PTPRM: variants seen among roughly 807,000 people sequenced by gnomAD.
The protein encoded by PTPRM is protein tyrosine phosphatase receptor type M.
In PTPRM, 47 loss-of-function variants were observed where a neutral mutation model predicts 186.7. That is an observed-to-expected ratio of 0.25 (90% CI 0.20 to 0.32). The LOEUF (loss-of-function observed/expected upper bound fraction) is 0.32. Ranked by LOEUF, PTPRM falls within the 10% of genes least tolerant of loss-of-function variation. The pLI is 1.00. For missense variants in PTPRM, 1,494 were observed against 1,865.0 expected (o/e 0.80, Z 3.66); for synonymous variants, 668 against 674.9 (o/e 0.99, Z 0.16).
At chr18:7,807,950 G>A (rs16952550) in intron 2 of PTPRM, among the ~76,000 whole-genome samples, 2 of 151,886 alleles carry the variant, frequency 1.3e-5, no homozygotes, top group Admixed American at 6.6e-5. Flanking sequence ...TTTACTCCTC[G>A]GATTCGTGGC....
At chr18:7,937,580 C>G (rs374555570) in intron 5 of PTPRM, among the ~76,000 whole-genome samples, 1 of 152,228 alleles carries the variant, frequency 6.6e-6, no homozygotes, top group Non-Finnish European at 1.5e-5. Context: ...CCGCTGGGCC[C>G]GAGCAAAACT....
At chr18:8,076,928 T>A (rs569005667) in intron 9 of PTPRM, among the ~76,000 whole-genome samples, 1 of 152,196 alleles carries the variant, frequency 6.6e-6, no homozygotes, top group Non-Finnish European at 1.5e-5. Context: ...ATTTTACTAC[T>A]GAATTATAGA....
intron 1 of PTPRM, among the ~76,000 whole-genome samples, chr18:7,676,847 T>C (rs1050870360): frequency 2.6e-5 from 4 of 152,350 alleles, no homozygotes; most frequent in Admixed American, 2.0e-4. Flanking sequence ...TCTGTGAATA[T>C]GAAAATATTT....
rs773595656 is a variant in PTPRM, at chr18:8,088,757, A to G, written c.1762A>G (p.Met588Val). 3.7e-6 allele frequency: 6 copies of G among 1,611,250 alleles called. No homozygotes were observed. The highest frequency in any genetic ancestry group is 3.3e-5 in the South Asian group (3 of 91,020). ...QFTTKISAPS[M>V]PAYELETPLN... ...TACGCCTTTTTCCCCAGCACCCTCTATGCCAGCTTATGAACTTGAGACACC... is the reference window on the plus strand; with the variant it reads ...TACGCCTTTTTCCCCAGCACCCTCTGTGCCAGCTTATGAACTTGAGACACC... The change falls in exon 11 of 33, where the codon ATG (methionine) becomes GTG (valine). Residue 588 changes from methionine to valine, a missense_variant. Physicochemically the swap from Met to Val is conservative, Grantham distance 21. Transcript: ENST00000580170.
rs35328733 is a variant in PTPRM at position 7,735,843 on chromosome 18, A to AT, written c.74-38292dup. ...AACTTCCCTTATCTTAAAGTCAAGC[A>AT]TTTTTTTTTTTTTTCCTGTTGACTT... On this transcript the variant is annotated intron_variant, in intron 1 of 32. Transcript: ENST00000580170. 2.5e-3 allele frequency among the ~76,000 whole-genome samples: 351 copies of AT among 141,416 alleles called. 1 individual carries two copies. Among genetic ancestry groups the AT allele is most frequent in the Middle Eastern group, 7.6e-3 (2 of 264 alleles). The allele number at this position is 141,416 out of a possible 152,430, so 92.8% of individuals were successfully genotyped here.
intron 2 of PTPRM, among the ~76,000 whole-genome samples, chr18:7,797,984 G>A (rs1331012403): frequency 6.6e-6 from 1 of 152,114 alleles, no homozygotes; most frequent in Non-Finnish European, 1.5e-5. Flanking sequence ...TTGAAGCAGG[G>A]GAGGACTCTT....
chr18:8,253,528 CAGAA>C (rs2147398962), intron 19 of PTPRM, 114 bp downstream of exon 19: 1 of 991,642 alleles, frequency 1.0e-6, no homozygotes, highest in South Asian at 3.5e-5. Context: ...CGAGAGATGC[CAGAA>C]AGAGATGAAG....
intron 14 of PTPRM, among the ~76,000 whole-genome samples, chr18:8,215,868 G>A (rs1235217326): frequency 6.6e-6 from 1 of 152,112 alleles, no homozygotes; most frequent in Non-Finnish European, 1.5e-5. Flanking sequence ...CTGGTTCCTT[G>A]AGATGCAGAG....
intron 1 of PTPRM, among the ~76,000 whole-genome samples, chr18:7,687,863 C>T (rs1057020469): frequency 1.1e-4 from 16 of 151,440 alleles, no homozygotes; most frequent in Non-Finnish European, 1.5e-4. Flanking sequence ...CTGCAACCTC[C>T]GCCTCCCGGG....
intron 5 of PTPRM, among the ~76,000 whole-genome samples, chr18:7,937,386 C>A (rs1233084887): frequency 2.0e-5 from 3 of 152,182 alleles, no homozygotes; most frequent in African/African-American, 7.2e-5. Context: ...TTGCAGGGAG[C>A]TGGTGCCCAT....
chr18:8,358,140 C>CA (rs1555885290), intron 23 of PTPRM, among the ~76,000 whole-genome samples: 1 of 138,620 alleles, frequency 7.2e-6, no homozygotes, highest in Non-Finnish European at 1.5e-5. Flanking sequence ...TTCCCCCCCC[C>CA]ACACACACAC....
At chr18:8,400,489 TG>T (rs1309992969) in intron 32 of PTPRM, among the ~76,000 whole-genome samples, 1 of 152,196 alleles carries the variant, frequency 6.6e-6, no homozygotes, top group Non-Finnish European at 1.5e-5. Flanking sequence ...GGCTCTGAGA[TG>T]GAGCCCCCGC....
At chr18:7,933,751 T>G (rs2051628950) in intron 5 of PTPRM, among the ~76,000 whole-genome samples, 1 of 152,190 alleles carries the variant, frequency 6.6e-6, no homozygotes, top group East Asian at 1.9e-4. Flanking sequence ...AAATCGTTTC[T>G]CTCTGGGATG....
At chr18:7,892,262 G>A (rs371032046) in intron 3 of PTPRM, among the ~76,000 whole-genome samples, 4 of 152,302 alleles carry the variant, frequency 2.6e-5, no homozygotes, top group South Asian at 4.1e-4. Context: ...CTGGTTTAGC[G>A]TGGCCTTGGC....
intron 1 of PTPRM, among the ~76,000 whole-genome samples, chr18:7,639,438 G>A (rs1324800577): frequency 1.3e-5 from 2 of 150,542 alleles, no homozygotes; most frequent in Non-Finnish European, 2.9e-5. Flanking sequence ...CCAGGCTGGA[G>A]TGCGATGGCG....
At chr18:8,392,877 A>G (rs1369386138) in intron 31 of PTPRM, among the ~76,000 whole-genome samples, 1 of 152,216 alleles carries the variant, frequency 6.6e-6, no homozygotes, top group East Asian at 1.9e-4. Context: ...TATTATGTAT[A>G]AGCTCACACT....
At chr18:7,940,804 A>G (rs1465758666) in intron 5 of PTPRM, among the ~76,000 whole-genome samples, 1 of 151,858 alleles carries the variant, frequency 6.6e-6, no homozygotes, top group Non-Finnish European at 1.5e-5. Context: ...ACCAAACCTG[A>G]CCTGAATGGA....
chr18:8,043,692 A>G (rs1229817109), intron 7 of PTPRM, among the ~76,000 whole-genome samples: 3 of 152,064 alleles, frequency 2.0e-5, no homozygotes, highest in African/African-American at 7.2e-5. Context: ...CCTATCAAAC[A>G]TAAACAAAGC....
chr18:7,825,202 TGCTAAGGCCCTGGTTCCCAAACTGTGG>T (rs2045418505), intron 2 of PTPRM, among the ~76,000 whole-genome samples: 1 of 152,088 alleles, frequency 6.6e-6, no homozygotes, highest in Non-Finnish European at 1.5e-5. Flanking sequence ...AAGAGGAAAT[TGCTAAGGCCCTGGTTCCCAAACTGTGG>T]GCCAAGGCTC....
Sources: allele counts gnomAD v4.1 joint callset (sites outside exome capture counted in the v4.1 genomes callset), GRCh38; gene constraint gnomAD v4.1.1; transcripts MANE v1.5; gene names NCBI Gene and HGNC (gene_info 2026-07-23, HGNC 2026-07-21).